Variants in LARP1 observed in about 807,000 individuals in gnomAD.
LARP1 encodes the protein la-related protein 1.
Under a neutral mutation model 122.7 loss-of-function variants are expected in LARP1, and 36 were observed. That is an observed-to-expected ratio of 0.29 (90% CI 0.22 to 0.39). LARP1 has a LOEUF of 0.39. Ranked by LOEUF, LARP1 falls within the 10% of genes least tolerant of loss-of-function variation. The probability of loss-of-function intolerance (pLI) is 1.00; values close to 1 mark genes in which losing one functional copy is unlikely to be tolerated. For synonymous variants in LARP1, 539 were observed against 528.7 expected (o/e 1.02, Z -0.27); for missense variants, 1,040 against 1,403.6 (o/e 0.74, Z 4.14).
chr5:154,720,711 T>C (rs1472083565), intron 1 of LARP1, among the ~76,000 whole-genome samples: 1 of 151,808 alleles, frequency 6.6e-6, no homozygotes, highest in African/African-American at 2.4e-5. Flanking sequence ...GACCGTGTCT[T>C]GGGAAAAAAG....
At chr5:154,804,162 G>T in intron 13 of LARP1, 39 bp from the exon 14 acceptor site, 1 of 1,452,442 alleles carries the variant, frequency 6.9e-7, no homozygotes, top group South Asian at 1.1e-5. Flanking sequence ...AGAGTTGTAG[G>T]AGTACAAACA....
chr5:154,713,543 C>G (rs1755330945), intron 1 of LARP1, among the ~76,000 whole-genome samples: 1 of 152,132 alleles, frequency 6.6e-6, no homozygotes, highest in South Asian at 2.1e-4. Flanking sequence ...TCTGTGAGAT[C>G]TTATCTAGAG....
intron 1 of LARP1, among the ~76,000 whole-genome samples, chr5:154,765,683 G>A (rs1353830883): frequency 2.0e-5 from 3 of 152,100 alleles, no homozygotes; most frequent in Admixed American, 1.3e-4. Flanking sequence ...CATGAGCCAC[G>A]GCACCTGGCT....
At chr5:154,769,675 C>G (rs889545754) in intron 1 of LARP1, among the ~76,000 whole-genome samples, 1 of 152,198 alleles carries the variant, frequency 6.6e-6, no homozygotes, top group African/African-American at 2.4e-5. Flanking sequence ...TTGCTTCCCT[C>G]CCCTCATCTG....
At chr5:154,727,583 A>G (rs912948036) in intron 1 of LARP1, among the ~76,000 whole-genome samples, 1 of 152,230 alleles carries the variant, frequency 6.6e-6, no homozygotes, top group Admixed American at 6.5e-5. Flanking sequence ...CTATTACACA[A>G]TGTGGTGACT....
At chr5:154,808,362 T>A in intron 15 of LARP1, 97 bp from the exon 16 acceptor site, 2 of 1,452,006 alleles carry the variant, frequency 1.4e-6, no homozygotes, top group Non-Finnish European at 1.9e-6. Flanking sequence ...TGGAAGTACA[T>A]GAGAAAGGAC....
chr5:154,794,181 C>T lies in LARP1; in HGVS notation c.1151C>T (p.Thr384Ile), dbSNP rs759403986. 2 of 1,614,168 alleles carry T rather than the reference C, an allele frequency of 1.2e-6. No individual in the cohort carries two copies. The highest frequency in any genetic ancestry group is 1.7e-5 in the Admixed American group (1 of 60,032). Residue 384 changes from threonine (T) to isoleucine (I), a missense_variant, in exon 7 of 19, where the codon ACC (threonine) becomes ATC (isoleucine). Thr to Ile is a moderately conservative substitution (Grantham distance 89). This residue lies in a region of LARP1 where 362 missense variants were observed against 533.1 expected (regional missense o/e 0.68). Coordinates refer to ENST00000518297, the MANE Select transcript of LARP1 (RefSeq NM_033551.3). ...PRTPKYMNNITYYFDNVSSTE... is the reference protein window; with the variant it reads ...PRTPKYMNNIIYYFDNVSSTE... ...ACGCCCAAGTACATGAACAACATCA[C>T]CTACTACTTTGACAATGTCAGCAGC...
chr5:154,720,452 C>T (rs1372740559), intron 1 of LARP1, among the ~76,000 whole-genome samples: 1 of 152,058 alleles, frequency 6.6e-6, no homozygotes, highest in African/African-American at 2.4e-5. Context: ...TAGTGGCTCA[C>T]ACCTGTAATT....
At chr5:154,806,558 C>G (rs1184968672) in intron 15 of LARP1, among the ~76,000 whole-genome samples, 1 of 152,180 alleles carries the variant, frequency 6.6e-6, no homozygotes, top group Non-Finnish European at 1.5e-5. Flanking sequence ...TTCTCTGTCC[C>G]TTTACAAAAG....
chr5:154,797,171 T>C (rs1004213406), intron 8 of LARP1, among the ~76,000 whole-genome samples: 2 of 151,856 alleles, frequency 1.3e-5, no homozygotes, highest in African/African-American at 4.8e-5. Context: ...ATTTTTTTGT[T>C]TTTTGGTGAG....
intron 1 of LARP1, among the ~76,000 whole-genome samples, chr5:154,692,890 A>G (rs1438166695): frequency 6.6e-6 from 1 of 152,024 alleles, no homozygotes; most frequent in African/African-American, 2.4e-5. Flanking sequence ...TTAAACATAT[A>G]TATGTGTGTG....
chr5:154,714,780 C>T (rs1299399620), intron 1 of LARP1, among the ~76,000 whole-genome samples: 1 of 152,192 alleles, frequency 6.6e-6, no homozygotes, highest in Non-Finnish European at 1.5e-5. Context: ...AAAGTGAAAG[C>T]CAAAACAGTT....
intron 10 of LARP1, among the ~76,000 whole-genome samples, chr5:154,801,581 A>G (rs889440011): frequency 2.0e-5 from 3 of 152,238 alleles, no homozygotes; most frequent in Non-Finnish European, 2.9e-5. Flanking sequence ...GGTACTGAGT[A>G]TATAATGGAA....
At chr5:154,759,394 C>T (rs1478158619) in intron 1 of LARP1, among the ~76,000 whole-genome samples, 1 of 151,886 alleles carries the variant, frequency 6.6e-6, no homozygotes, top group Non-Finnish European at 1.5e-5. Context: ...GGATCTGTCT[C>T]CTTAAAACTT....
chr5:154,706,782 A>G (rs1462932641), intron 1 of LARP1, among the ~76,000 whole-genome samples: 1 of 152,174 alleles, frequency 6.6e-6, no homozygotes, highest in Admixed American at 6.6e-5. Context: ...GAAGTAGCCA[A>G]TAAAGTAGGG....
chr5:154,762,887 C>G (rs1754575061), intron 1 of LARP1, among the ~76,000 whole-genome samples: 1 of 152,058 alleles, frequency 6.6e-6, no homozygotes, highest in Non-Finnish European at 1.5e-5. Context: ...GATAAATGAT[C>G]TGATAGAGAT....
At chr5:154,782,621 G>C (rs1756554958) in intron 1 of LARP1, among the ~76,000 whole-genome samples, 1 of 152,174 alleles carries the variant, frequency 6.6e-6, no homozygotes, top group Non-Finnish European at 1.5e-5. Context: ...TTCCTGAGCT[G>C]ACTGGTGGTC....
At chr5:154,739,504 T>C (rs1757103088) in intron 1 of LARP1, among the ~76,000 whole-genome samples, 1 of 152,236 alleles carries the variant, frequency 6.6e-6, no homozygotes, top group Admixed American at 6.5e-5. Context: ...ATTTTTCACT[T>C]TTCAAAGCCT....
chr5:154,754,635 T>C (rs1041798360), upstream of LARP1, among the ~76,000 whole-genome samples: 1 of 152,260 alleles, frequency 6.6e-6, no homozygotes, highest in Non-Finnish European at 1.5e-5. Context: ...CCGTTCCCAC[T>C]TCCTAGGCGC....
Sources: gnomAD v4.1 joint callset for allele counts (sites outside exome capture counted in the v4.1 genomes callset) on GRCh38, gnomAD v4.1.1 for gene constraint, gnomAD v4.1.1 regional missense constraint, MANE v1.5 for transcripts, NCBI Gene and HGNC (gene_info 2026-07-23, HGNC 2026-07-21) for gene names.